The following CHAF1A variants were observed in gnomAD, a reference collection of about 807,000 sequenced individuals.
The protein encoded by CHAF1A is chromatin assembly factor 1 subunit A, also known as CAF-1 subunit A.
A neutral mutation model predicts 93.2 loss-of-function variants in CHAF1A; 5 were observed. That is an observed-to-expected ratio of 0.05 (90% confidence interval 0.03 to 0.11). CHAF1A has a LOEUF of 0.11. Ranked by LOEUF, CHAF1A falls within the 10% of genes least tolerant of loss-of-function variation. CHAF1A has a pLI of 1.00. For synonymous variants in CHAF1A, 504 were observed against 510.3 expected, an observed-to-expected ratio of 0.99 and a Z score of 0.17; for missense variants, 1,102 against 1,259.9, an observed-to-expected ratio of 0.87 and a Z score of 1.90.
Position 4,433,177 on chromosome 19 carries a change from G to T in CHAF1A, c.2311G>T (p.Gly771Cys). 1.2e-6 allele frequency: 2 copies of T among 1,613,566 alleles called. No individual in the cohort carries two copies. Among genetic ancestry groups the T allele is most frequent in the Non-Finnish European group, 1.7e-6 (2 of 1,179,814 alleles). Residue 771 changes from glycine (G) to cysteine (C), a missense_variant, in exon 13 of 15, where the codon GGC (glycine) becomes TGC (cysteine). Gly to Cys is a radical substitution (Grantham distance 159). Transcript: ENST00000301280. The surrounding 1 kb of genome is among the most constrained non-coding windows in gnomAD (Gnocchi z 5.6). ...CRRGLLSNHT[G>C]SPRSPSTTYL... is the part of the protein sequence containing the mutation. ...CCGGGGACTGCTCAGCAACCACACC[G>T]GCAGCCCGCGGAGCCCCTCCACCAC...
At chr19:4,425,773 C>T (rs1974070260) in intron 7 of CHAF1A, among the ~76,000 whole-genome samples, 1 of 152,196 alleles carries the variant, frequency 6.6e-6, no homozygotes, top group Non-Finnish European at 1.5e-5. Flanking sequence ...TAGCATATTG[C>T]TGAAGCATCA....
downstream of CHAF1A, chr19:4,449,128 C>G (rs974297842): frequency 1.3e-5 from 2 of 152,764 alleles, no homozygotes; most frequent in Non-Finnish European, 1.5e-5. Flanking sequence ...AGTACGTACC[C>G]TAAGACCTGG....
chr19:4,429,799 G>T lies in CHAF1A; in HGVS notation c.1854+11G>T. The T allele has an allele frequency of 6.2e-7, 1 of 1,605,478 alleles. No individual in the cohort carries two copies. Among genetic ancestry groups the T allele is most frequent in the Non-Finnish European group, 8.5e-7 (1 of 1,175,202 alleles). ...TCCCACAGTGAGGGGGTAAGGATGT[G>T]CCCCAGCTGTCTTCACTCACAGACG... On this transcript the variant is annotated intron_variant, in intron 10 of 14. Coordinates refer to ENST00000301280, the MANE Select transcript of CHAF1A (RefSeq NM_005483.3).
chr19:4,432,162 G>A lies in CHAF1A; in HGVS notation c.2158G>A (p.Glu720Lys). ...CCTGGAGACCCTGCCGGCCCAGGAG[G>A]AGCAGACGCCCAAGGCCTCCAAGCG... ...CFLETLPAQE[E>K]QTPKASKRER... The change falls in exon 12 of 15, where the codon GAG becomes AAG. Residue 720 changes from glutamate (E) to lysine (K), a missense_variant. Glu to Lys is a moderately conservative substitution (Grantham distance 56). Around this residue, in one of 6 missense-constraint regions of CHAF1A, gnomAD observed 335 missense variants for 361.9 expected, o/e 0.93. Coordinates refer to ENST00000301280, the MANE Select transcript of CHAF1A (RefSeq NM_005483.3). 3 of 1,612,216 alleles carry A rather than the reference G, an allele frequency of 1.9e-6. No individual in the cohort carries two copies. Among genetic ancestry groups the A allele is most frequent in the Non-Finnish European group, 2.5e-6 (3 of 1,179,608 alleles).
Position 4,428,657 on chromosome 19 carries a change from A to G in CHAF1A, c.1378-7A>G. 1.9e-6 allele frequency: 3 copies of G among 1,613,178 alleles called. No individual in the cohort carries two copies. Among genetic ancestry groups the G allele is most frequent in the South Asian group, 1.1e-5 (1 of 91,068 alleles). ...GAAGACCCCATCGGGTCTCTTCTTG[A>G]TTTCAGACCCTGGCCGGCTCCTGTG... On this transcript the variant is annotated splice_polypyrimidine_tract_variant and splice_region_variant and intron_variant, in intron 7 of 14. Coordinates refer to ENST00000301280, the MANE Select transcript of CHAF1A (RefSeq NM_005483.3).
rs890165544 is a variant in CHAF1A, at chr19:4,423,470, C to T, written c.1308+75C>T. ...GATGCCCAAAGTGGAATTCTTGCCA[C>T]AGCCGTCACCTAATATTCTCTTGGT... On this transcript the variant is annotated intron_variant, in intron 6 of 14. Transcript: ENST00000301280. 30 of 1,607,806 alleles carry T rather than the reference C, an allele frequency of 1.9e-5. No individual in the cohort carries two copies. In the East Asian group the frequency reaches 4.0e-4, roughly 22 times the overall value.
rs146701115 is a variant in CHAF1A at position 4,420,851 on chromosome 19, T to C, written c.1018-1715T>C. 6.0e-3 allele frequency among the ~76,000 whole-genome samples: 911 copies of C among 152,220 alleles called. 2 individuals carry two copies. The highest frequency in any genetic ancestry group is 8.7e-3 in the Non-Finnish European group (591 of 68,008). ...ACTTTGGGAGGCTGAGGTGGACAGA[T>C]TGCTTGAGCGCAGGAGTTAAAGATC... On this transcript the variant is annotated intron_variant, in intron 4 of 14. Transcript: ENST00000301280.
chr19:4,445,647 T>C, downstream of CHAF1A: 1 of 1,603,672 alleles, frequency 6.2e-7, no homozygotes, highest in Non-Finnish European at 8.5e-7. Flanking sequence ...AGGCCGTCAC[T>C]CTGAGACCGA....
rs1289086294 is a variant in CHAF1A at position 4,430,548 on chromosome 19, GGAT to G, written c.1863_1865del (p.Asp623del). ...AACTCTTTTTTTTTTCTCCTTTTGA[GGAT>G]GATGATGACGACATGGGAGAGGATG... On this transcript the variant is annotated inframe_deletion and splice_region_variant, in exon 11 of 15. Transcript: ENST00000301280. 5.8e-6 allele frequency: 9 copies of G among 1,553,104 alleles called. No homozygotes were observed. Among genetic ancestry groups the G allele is most frequent in the Non-Finnish European group, 8.0e-6 (9 of 1,124,964 alleles).
chr19:4,442,300 A>C lies in CHAF1A; in HGVS notation c.2729A>C (p.Glu910Ala). 6.2e-7 allele frequency: 1 copy of C among 1,612,388 alleles called. No individual in the cohort carries two copies. The highest frequency in any genetic ancestry group is 8.5e-7 in the Non-Finnish European group (1 of 1,179,208). ...FQADTEEEEE[E>A]EGDCMIVDVP... Reference sequence around the variant, plus strand: ...GCAGACACGGAGGAGGAGGAAGAGGAGGAGGGCGACTGTATGATCGTGGAT... The same window carrying C: ...GCAGACACGGAGGAGGAGGAAGAGGCGGAGGGCGACTGTATGATCGTGGAT... Residue 910 changes from glutamate to alanine, a missense_variant, in exon 14 of 15, where the codon GAG becomes GCG. Physicochemically the swap from Glu to Ala is moderately radical, Grantham distance 107. Transcript: ENST00000301280.
chr19:4,429,881 T>C (rs1974150105), intron 10 of CHAF1A, 93 bp downstream of exon 10: 9 of 1,099,982 alleles, frequency 8.2e-6, no homozygotes, highest in Non-Finnish European at 1.1e-5. Context: ...CCCAGCTGTG[T>C]TCACTCACTG....
At chr19:4,442,858 T>G (rs1599667954) in intron 14 of CHAF1A, 67 bp from the exon 15 acceptor site, 2 of 1,207,554 alleles carry the variant, frequency 1.7e-6, no homozygotes, top group East Asian at 2.6e-5. Flanking sequence ...GGCAGCAGGG[T>G]GGGGTCTTCC....
Position 4,409,234 on chromosome 19 carries a change from G to A in CHAF1A, c.435G>A (p.Glu145=), listed in dbSNP as rs367896225. The change falls in exon 3 of 15, where the codon GAG becomes GAA. Residue 145 remains glutamate, a synonymous_variant. Transcript: ENST00000301280. ...KLNSEASPSR[E]AINGQREDTG... The stretch of plus-strand genomic sequence containing the variant: ...ATTCTGAAGCCTCTCCCTCCAGGGA[G>A]GCAATAAATGGCCAGCGAGAAGACA... 4.3e-6 allele frequency: 7 copies of A among 1,614,072 alleles called. No individual in the cohort carries two copies. The highest frequency in any genetic ancestry group is 5.9e-6 in the Non-Finnish European group (7 of 1,180,042).
intron 10 of CHAF1A, among the ~76,000 whole-genome samples, 181 bp from the exon 11 acceptor site, chr19:4,430,366 CAG>C (rs1974158913): frequency 6.6e-6 from 1 of 152,058 alleles, no homozygotes; most frequent in African/African-American, 2.4e-5. Context: ...TTAGTAGAGA[CAG>C]AGTTTTACCA....
chr19:4,442,871 C>T, intron 14 of CHAF1A, 54 bp from the exon 15 acceptor site: 6 of 1,361,148 alleles, frequency 4.4e-6, no homozygotes, highest in South Asian at 1.5e-5. Flanking sequence ...GGTCTTCCCC[C>T]AGGGAGCCCA....
intron 3 of CHAF1A, among the ~76,000 whole-genome samples, chr19:4,414,975 C>T (rs1242957444): frequency 6.6e-6 from 1 of 152,162 alleles, no homozygotes; most frequent in Admixed American, 6.5e-5. Flanking sequence ...AAATCAGAGT[C>T]CATAGGCTCT....
intron 13 of CHAF1A, among the ~76,000 whole-genome samples, chr19:4,439,985 G>A (rs1352955022): frequency 6.6e-6 from 1 of 152,220 alleles, no homozygotes; most frequent in Admixed American, 6.5e-5. Context: ...AGAGGATCCA[G>A]GAGGGGAGCC....
intron 10 of CHAF1A, 129 bp downstream of exon 10, chr19:4,429,917 G>A (rs1974150785): frequency 2.5e-6 from 2 of 794,378 alleles, no homozygotes; most frequent in Non-Finnish European, 4.1e-6. Flanking sequence ...CCTGCTGTGT[G>A]GTCTGAAACC....
Position 4,409,655 on chromosome 19 carries a change from T to C in CHAF1A, c.856T>C (p.Ser286Pro). ...AGAAGACTCTGTACTCAGCCATTCGTCCCTGAGCTCTCCCTCTTCCACCAG... is the reference window on the plus strand; with the variant it reads ...AGAAGACTCTGTACTCAGCCATTCGCCCCTGAGCTCTCCCTCTTCCACCAG... ...PEEDSVLSHS[S>P]LSSPSSTSSP... Residue 286 changes from serine to proline, a missense_variant, in exon 3 of 15, where the codon TCC (serine) becomes CCC (proline). By Grantham distance (74) the Ser-to-Pro change is moderately conservative. Transcript: ENST00000301280. 1 of 1,614,144 alleles carries C rather than the reference T, an allele frequency of 6.2e-7. No individual in the cohort carries two copies. Among genetic ancestry groups the C allele is most frequent in the Non-Finnish European group, 8.5e-7 (1 of 1,180,020 alleles).
Sources: gnomAD v4.1 joint callset for allele counts (sites outside exome capture counted in the v4.1 genomes callset) on GRCh38, gnomAD v4.1.1 for gene constraint, gnomAD v4.1.1 regional missense constraint, Gnocchi (gnomAD v3.1) non-coding constraint, MANE v1.5 for transcripts, NCBI Gene and HGNC (gene_info 2026-07-23, HGNC 2026-07-21) for gene names.